TNS1: variants seen among roughly 807,000 people sequenced by gnomAD.
TNS1 encodes tensin 1.
In TNS1, 62 loss-of-function variants were observed where a neutral mutation model predicts 168.6. The observed-to-expected ratio is 0.37, with a 90% CI of 0.30 to 0.45. The LOEUF is 0.45. Ranked by LOEUF, TNS1 falls within the 20% of genes least tolerant of loss-of-function variation. The pLI is 1.00. For missense variants in TNS1, 2,240 were observed against 2,339.4 expected, an observed-to-expected ratio of 0.96 and a Z score of 0.88; for synonymous variants, 934 against 933.2, an observed-to-expected ratio of 1.00 and a Z score of -0.02.
At chr2:217,877,849 C>T (rs576511100) in intron 18 of TNS1, among the ~76,000 whole-genome samples, 43 of 152,302 alleles carry the variant, frequency 2.8e-4, no homozygotes, top group African/African-American at 1.0e-3. Context: ...CGAGAGGATG[C>T]AGGCCAGAGA....
At chr2:218,008,196 T>A (rs1958676786) in intron 1 of TNS1, among the ~76,000 whole-genome samples, 1 of 152,084 alleles carries the variant, frequency 6.6e-6, no homozygotes, top group South Asian at 2.1e-4. Context: ...CTTAATAAGA[T>A]CCTTCCCAGA....
intron 3 of TNS1, among the ~76,000 whole-genome samples, chr2:217,974,155 G>T (rs1170795236): frequency 1.3e-5 from 2 of 152,200 alleles, no homozygotes; most frequent in Non-Finnish European, 2.9e-5. Context: ...GAACATAAGG[G>T]TTGCTTTTTG....
At chr2:217,843,257 C>T (rs1014454027) in intron 19 of TNS1, among the ~76,000 whole-genome samples, 1 of 152,048 alleles carries the variant, frequency 6.6e-6, no homozygotes, top group South Asian at 2.1e-4. Context: ...CTGGTTGAGC[C>T]TAATTTACCT....
intron 3 of TNS1, among the ~76,000 whole-genome samples, chr2:217,932,988 G>A (rs1956403456): frequency 1.3e-5 from 2 of 152,178 alleles, no homozygotes; most frequent in South Asian, 4.1e-4. Context: ...AAGTCCCGAG[G>A]GCAGGACAGC....
Position 217,848,655 on chromosome 2 carries a change from C to A in TNS1, c.1862G>T (p.Arg621Leu), listed in dbSNP as rs199538180. 1.9e-6 allele frequency: 3 copies of A among 1,614,212 alleles called. No individual in the cohort carries two copies. Among genetic ancestry groups the A allele is most frequent in the Non-Finnish European group, 2.5e-6 (3 of 1,180,020 alleles). ...HVNGGALASE[R>L]ETDILDDELP... ...TTCATCGTCCAGGATGTCTGTCTCC[C>A]GCTCAGATGCTAACGCCCCACCATT... The change falls in exon 19 of 33, where the codon CGG (arginine) becomes CTG (leucine). Residue 621 changes from arginine (R) to leucine (L), a missense_variant. Physicochemically the swap from Arg to Leu is moderately radical, Grantham distance 102. Coordinates refer to ENST00000682258, the MANE Select transcript of TNS1 (RefSeq NM_001387777.1).
At chr2:217,996,334 C>G (rs371372470) in intron 1 of TNS1, among the ~76,000 whole-genome samples, 1 of 152,204 alleles carries the variant, frequency 6.6e-6, no homozygotes, top group Non-Finnish European at 1.5e-5. Context: ...CCATCCACTG[C>G]CCCATGCCCC....
intron 2 of TNS1, among the ~76,000 whole-genome samples, chr2:217,987,319 G>A (rs1559401847): frequency 6.6e-6 from 1 of 152,146 alleles, no homozygotes. Flanking sequence ...GGAGTTCACA[G>A]GAGTTCACAG....
chr2:218,002,798 T>G (rs752033481), intron 1 of TNS1, 42 bp downstream of exon 1: 8 of 455,242 alleles, frequency 1.8e-5, no homozygotes, highest in African/African-American at 1.2e-4. Context: ...GGGCGGGGGG[T>G]TTGAGGAAGA....
chr2:217,872,557 A>C (rs968674423), intron 18 of TNS1, among the ~76,000 whole-genome samples: 1 of 152,194 alleles, frequency 6.6e-6, no homozygotes, highest in African/African-American at 2.4e-5. Context: ...TAGAAAATAA[A>C]TGTGGGTGAG....
In TNS1 at chr2:217,863,205, C is replaced by T. The variant is rs1471858108; in HGVS notation, c.1430-14118G>A. The stretch of plus-strand genomic sequence containing the variant: ...CGGGTCCCAGAACAGAAGGAGGAAA[C>T]AGAACAGAGTGTCTCCAGTGAAAGA... On this transcript the variant is annotated intron_variant, in intron 18 of 32. Coordinates refer to ENST00000682258, the MANE Select transcript of TNS1 (RefSeq NM_001387777.1). Among the ~76,000 whole-genome samples, 3 of 152,092 alleles carry T rather than the reference C, an allele frequency of 2.0e-5. No individual in the cohort carries two copies. The East Asian group carries it at 5.8e-4, about 29-fold the overall frequency.
intron 32 of TNS1, among the ~76,000 whole-genome samples, chr2:217,805,996 A>C (rs1158970166): frequency 6.6e-6 from 1 of 152,168 alleles, no homozygotes; most frequent in Admixed American, 6.5e-5. Flanking sequence ...GGTAATGCCC[A>C]GGTGGTGGGG....
At chr2:217,872,775 T>C (rs1322704950) in intron 18 of TNS1, among the ~76,000 whole-genome samples, 3 of 152,208 alleles carry the variant, frequency 2.0e-5, no homozygotes, top group Non-Finnish European at 2.9e-5. Flanking sequence ...AGCCAAAAAG[T>C]TGAAACAATG....
intron 32 of TNS1, among the ~76,000 whole-genome samples, chr2:217,807,678 C>T (rs960844918): frequency 3.9e-5 from 6 of 152,260 alleles, no homozygotes; most frequent in South Asian, 4.1e-4. Context: ...CTGATTTGCT[C>T]GGCCACAAGA....
rs1958924298 is a variant in TNS1, at chr2:218,033,849, A to G, written c.127T>C (p.Cys43Arg). 6.6e-6 allele frequency among the ~76,000 whole-genome samples: 1 copy of G among 152,114 alleles called. No homozygotes were observed. The highest frequency in any genetic ancestry group is 6.5e-5 in the Admixed American group (1 of 15,286). ...AGCGGTAGCTGCCTTCTCTCTGCAC[A>G]GGCCAAACCCCCGGACTCCCAGCAC... Residue 43 changes from cysteine (C) to arginine (R), a missense_variant, in exon 1 of 2, where the codon TGT (cysteine) becomes CGT (arginine). Transcript: ENST00000649572. The surrounding 1 kb of genome is among the most constrained non-coding windows in gnomAD (Gnocchi z 4.3).
chr2:217,805,426 C>T (rs918987442), intron 32 of TNS1, among the ~76,000 whole-genome samples: 1 of 136,084 alleles, frequency 7.3e-6, no homozygotes, highest in African/African-American at 2.8e-5. Flanking sequence ...CAAACCACCA[C>T]ACACATGCAC....
intron 4 of TNS1, among the ~76,000 whole-genome samples, chr2:217,909,534 C>A (rs558807897): frequency 6.6e-6 from 1 of 151,706 alleles, no homozygotes; most frequent in Non-Finnish European, 1.5e-5. Context: ...TGCATAGCAC[C>A]ACCTAGAGGG....
intron 1 of TNS1, among the ~76,000 whole-genome samples, chr2:218,020,481 A>G (rs920420115): frequency 6.6e-6 from 1 of 152,092 alleles, no homozygotes; most frequent in Admixed American, 6.5e-5. Context: ...TAAGCCTGAG[A>G]ACGCTGACCC....
chr2:217,908,472 C>T (rs1287370314), intron 4 of TNS1, among the ~76,000 whole-genome samples: 1 of 152,182 alleles, frequency 6.6e-6, no homozygotes, highest in African/African-American at 2.4e-5. Context: ...AGGTTTAAGA[C>T]CATGTGTCTC....
chr2:217,913,467 C>T (rs536412718), intron 4 of TNS1, among the ~76,000 whole-genome samples: 23 of 152,250 alleles, frequency 1.5e-4, no homozygotes, highest in African/African-American at 4.3e-4. Context: ...CTCTCCTCCC[C>T]GACCTGGCCA....
Sources: gnomAD v4.1 joint callset for allele counts (sites outside exome capture counted in the v4.1 genomes callset) on GRCh38, gnomAD v4.1.1 for gene constraint, Gnocchi (gnomAD v3.1) non-coding constraint, MANE v1.5 for transcripts, NCBI Gene and HGNC (gene_info 2026-07-23, HGNC 2026-07-21) for gene names.